Variants in SECISBP2 observed in about 807,000 individuals in gnomAD.
SECISBP2 encodes the protein SECIS binding protein 2.
SECISBP2 carries 96 observed loss-of-function variants against 98.2 expected under a neutral mutation model. That is an observed-to-expected ratio of 0.98 (90% CI 0.83 to 1.16). The LOEUF (loss-of-function observed/expected upper bound fraction) is 1.16. Ranked by LOEUF, SECISBP2 falls within the 50% of genes most tolerant of loss-of-function variation. SECISBP2 has a pLI of 0.00. For missense variants in SECISBP2, 1,046 were observed against 1,022.9 expected (o/e 1.02, Z -0.31); for synonymous variants, 407 against 370.2 (o/e 1.10, Z -1.14).
chr9:89,346,993 A>T lies in SECISBP2; in HGVS notation c.1547A>T (p.Lys516Met). 1 of 1,614,210 alleles carries T rather than the reference A, an allele frequency of 6.2e-7. No homozygotes were observed. The highest frequency in any genetic ancestry group is 8.5e-7 in the Non-Finnish European group (1 of 1,180,014). The change falls in exon 11 of 17, where the codon AAG becomes ATG. Residue 516 changes from lysine (K) to methionine (M), a missense_variant. By Grantham distance (95) the Lys-to-Met change is moderately conservative. Transcript: ENST00000375807. The stretch of plus-strand genomic sequence containing the variant: ...TTGGACTCCAGCGCCCCACTGATGA[A>T]GAAAGGGAAGCAGAGGGAGATCCCC... ...NPLDSSAPLM[K>M]KGKQREIPKA... is the part of the protein sequence containing the mutation.
chr9:89,319,915 C>T (rs1825420336), intron 2 of SECISBP2, 118 bp downstream of exon 2: 4 of 1,103,058 alleles, frequency 3.6e-6, no homozygotes, highest in Non-Finnish European at 4.1e-6. Context: ...AGAGAATGCT[C>T]TTCAACCAAG....
Position 89,325,609 on chromosome 9 carries a change from T to G in SECISBP2, c.365T>G (p.Phe122Cys). Residue 122 changes from phenylalanine to cysteine, a missense_variant, in exon 3 of 17, where the codon TTT becomes TGT. Phe to Cys is a radical substitution (Grantham distance 205). Coordinates refer to ENST00000375807, the MANE Select transcript of SECISBP2 (RefSeq NM_024077.5). ...AACCAACCCAGTTGTTACCGAGGTTTTCAAACAGTGAAGCATCGAAATGAG... is the reference window on the plus strand; with the variant it reads ...AACCAACCCAGTTGTTACCGAGGTTGTCAAACAGTGAAGCATCGAAATGAG... ...LYNQPSCYRG[F>C]QTVKHRNENT... 6.2e-7 allele frequency: 1 copy of G among 1,614,174 alleles called. No individual in the cohort carries two copies. Among genetic ancestry groups the G allele is most frequent in the Non-Finnish European group, 8.5e-7 (1 of 1,180,038 alleles).
chr9:89,357,857 C>G, intron 15 of SECISBP2, 142 bp from the exon 16 acceptor site: 1 of 1,001,782 alleles, frequency 1.0e-6, no homozygotes, highest in Non-Finnish European at 1.5e-6. Context: ...GGGGCAGCAT[C>G]CCTGGTACCC....
chr9:89,341,318 A>G lies in SECISBP2; in HGVS notation c.1303-29A>G, dbSNP rs1190798720. 4 of 1,597,830 alleles carry G rather than the reference A, an allele frequency of 2.5e-6. No homozygotes were observed. The Admixed American group carries it at 6.7e-5, about 27-fold the overall frequency. On this transcript the variant is annotated intron_variant, in intron 9 of 16. Coordinates refer to ENST00000375807, the MANE Select transcript of SECISBP2 (RefSeq NM_024077.5). ...AAAAGCACAGTTTGTATAGTTTTAT[A>G]AGTAAACTTACGAATTTTGAACTTT...
chr9:89,324,984 C>T (rs918696585), intron 2 of SECISBP2: 8 of 255,612 alleles, frequency 3.1e-5, no homozygotes, highest in Admixed American at 5.2e-5. Flanking sequence ...GTCAGCAAAG[C>T]GCAGGATGTC....
At chr9:89,338,886 G>GT (rs577395060) in intron 8 of SECISBP2, among the ~76,000 whole-genome samples, 6,003 of 140,546 alleles carry the variant, frequency 0.043, 337 homozygotes, top group African/African-American at 0.13. Flanking sequence ...TTCTTTACCT[G>GT]TTTTTTTTTT....
intron 5 of SECISBP2, 84 bp downstream of exon 5, chr9:89,328,970 T>C (rs1018845906): frequency 8.6e-7 from 1 of 1,167,222 alleles, no homozygotes; most frequent in African/African-American, 1.5e-5. Flanking sequence ...TAAATCTTGC[T>C]GTGGGCTTTG....
At chr9:89,329,705 C>G (rs906218111) in intron 5 of SECISBP2, 8 of 151,996 alleles carry the variant, frequency 5.3e-5, no homozygotes, top group African/African-American at 7.3e-5. Context: ...TTCAGGTGAT[C>G]CACCTGCCTT....
At chr9:89,336,098 T>TTTTTTTTC (rs1828648528) in intron 7 of SECISBP2, among the ~76,000 whole-genome samples, 1 of 138,616 alleles carries the variant, frequency 7.2e-6, no homozygotes, top group Non-Finnish European at 1.6e-5. Context: ...TTTTTTTTTT[T>TTTTTTTTC]TTTTTTTTTT....
chr9:89,331,503 A>G (rs1224155713), intron 5 of SECISBP2, among the ~76,000 whole-genome samples: 1 of 152,202 alleles, frequency 6.6e-6, no homozygotes. Flanking sequence ...TACTTAATGG[A>G]TTCAACTTTG....
At position 89,328,778 on chromosome 9, in the gene SECISBP2, C is replaced by A; in HGVS notation, c.693C>A (p.Asn231Lys). The A allele has an allele frequency of 6.2e-7, 1 of 1,614,188 alleles. No homozygotes were observed. Among genetic ancestry groups the A allele is most frequent in the Non-Finnish European group, 8.5e-7 (1 of 1,180,006 alleles). The change falls in exon 5 of 17, where the codon AAC (asparagine) becomes AAA (lysine). Residue 231 changes from asparagine (N) to lysine (K), a missense_variant. Transcript: ENST00000375807. Reference protein sequence around the residue: ...LDFPELQGAENNMSEIQKQPK... With the variant: ...LDFPELQGAEKNMSEIQKQPK... ...TTCCTGAACTGCAAGGTGCAGAGAACAATATGTCAGAGATACAGAAGCAAC... is the reference window on the plus strand; with the variant it reads ...TTCCTGAACTGCAAGGTGCAGAGAAAAATATGTCAGAGATACAGAAGCAAC...
chr9:89,325,743 T>A (rs41277879), intron 3 of SECISBP2, 67 bp downstream of exon 3: 5 of 1,607,866 alleles, frequency 3.1e-6, no homozygotes, highest in Non-Finnish European at 3.4e-6. Context: ...TGTAAAGAAA[T>A]GGTAAATTTG....
At chr9:89,334,985 C>T (rs370830248) in intron 7 of SECISBP2, among the ~76,000 whole-genome samples, 3 of 152,060 alleles carry the variant, frequency 2.0e-5, no homozygotes, top group African/African-American at 7.2e-5. Context: ...GAGGCCAAGG[C>T]GGGCAGATCA....
intron 12 of SECISBP2, among the ~76,000 whole-genome samples, chr9:89,348,778 T>C (rs1830816560): frequency 6.6e-6 from 1 of 152,276 alleles, no homozygotes; most frequent in Non-Finnish European, 1.5e-5. Context: ...GGGCTGTGGC[T>C]GTGGCTCTAG....
downstream of SECISBP2, chr9:89,363,513 C>G: frequency 2.5e-6 from 4 of 1,614,100 alleles, no homozygotes; most frequent in Non-Finnish European, 3.4e-6. Flanking sequence ...GTCCACCTCT[C>G]CTGGTGGGTC....
downstream of SECISBP2, chr9:89,363,679 C>G: frequency 6.3e-7 from 1 of 1,591,212 alleles, no homozygotes; most frequent in Non-Finnish European, 8.6e-7. Context: ...TTTTTCACTG[C>G]CATTGTAAAT....
At chr9:89,320,713 C>G (rs1337763995) in intron 2 of SECISBP2, among the ~76,000 whole-genome samples, 1 of 152,110 alleles carries the variant, frequency 6.6e-6, no homozygotes, top group Non-Finnish European at 1.5e-5. Flanking sequence ...TTTTCTTTTT[C>G]CTTCTCAGGA....
At chr9:89,332,742 TTGCTAAACTA>T (rs1827964229) in intron 5 of SECISBP2, 156 bp from the exon 6 acceptor site, 1 of 657,572 alleles carries the variant, frequency 1.5e-6, no homozygotes, top group Non-Finnish European at 2.7e-6. Flanking sequence ...TTGTAAGGAA[TTGCTAAACTA>T]TTAAATATCT....
chr9:89,332,978 G>T lies in SECISBP2; in HGVS notation c.872G>T (p.Cys291Phe). The T allele has an allele frequency of 3.7e-6, 6 of 1,613,512 alleles. No individual in the cohort carries two copies. The highest frequency in any genetic ancestry group is 5.1e-6 in the Non-Finnish European group (6 of 1,179,604). ...TANAATNSPS[C>F]TRELSWTPMG... is the part of the protein sequence containing the mutation. ...AATGCCGCTACCAATTCTCCTTCAT[G>T]TACAAGAGGTAAAAGTGGCTGCAAA... The change falls in exon 6 of 17, where the codon TGT (cysteine) becomes TTT (phenylalanine). Residue 291 changes from cysteine to phenylalanine, a missense_variant. Physicochemically the swap from Cys to Phe is radical, Grantham distance 205. Transcript: ENST00000375807.
Sources: allele counts gnomAD v4.1 joint callset (sites outside exome capture counted in the v4.1 genomes callset), GRCh38; gene constraint gnomAD v4.1.1; transcripts MANE v1.5; gene names NCBI Gene and HGNC (gene_info 2026-07-23, HGNC 2026-07-21).